Variants in ICA1L observed in about 807,000 individuals in gnomAD.
The protein encoded by ICA1L is islet cell autoantigen 1 like.
Under a neutral mutation model 61.3 loss-of-function variants are expected in ICA1L, and 50 were observed. The ratio of observed to expected loss-of-function variants is 0.82; its 90% CI spans 0.65 to 1.03. ICA1L has a LOEUF of 1.03. Ranked by LOEUF, ICA1L falls within the 50% of genes least tolerant of loss-of-function variation. The probability of loss-of-function intolerance (pLI) is 0.00; values close to 1 mark genes in which losing one functional copy is unlikely to be tolerated. For missense variants in ICA1L, 508 were observed against 556.7 expected, an observed-to-expected ratio of 0.91 and a Z score of 0.88; for synonymous variants, 161 against 191.3, an observed-to-expected ratio of 0.84 and a Z score of 1.31.
At chr2:202,845,370 T>C (rs1354277839) in intron 1 of ICA1L, among the ~76,000 whole-genome samples, 1 of 152,180 alleles carries the variant, frequency 6.6e-6, no homozygotes. Flanking sequence ...CTCATACCTG[T>C]AATCCCAGCA....
chr2:202,819,979 C>T, intron 4 of ICA1L, 80 bp from the exon 5 acceptor site: 2 of 1,044,050 alleles, frequency 1.9e-6, no homozygotes, highest in South Asian at 1.5e-5. Context: ...AATGAAAAAG[C>T]ATATTTGCTA....
At chr2:202,829,422 T>C (rs1279191400) in intron 1 of ICA1L, among the ~76,000 whole-genome samples, 1 of 152,136 alleles carries the variant, frequency 6.6e-6, no homozygotes, top group African/African-American at 2.4e-5. Context: ...CTAGCCAATA[T>C]TTAATCTGAC....
intron 8 of ICA1L, among the ~76,000 whole-genome samples, chr2:202,814,355 C>G (rs894264129): frequency 1.3e-5 from 2 of 152,104 alleles, no homozygotes; most frequent in Admixed American, 6.5e-5. Flanking sequence ...GTTATACAGC[C>G]AGCATGCCCC....
Position 202,811,521 on chromosome 2 carries a change from GCAT to G in ICA1L, c.910+222_910+224del, listed in dbSNP as rs573176850. Among the ~76,000 whole-genome samples, 663 of 151,986 alleles carry G rather than the reference GCAT, an allele frequency of 4.4e-3. 6 individuals are homozygous for G. The highest frequency in any genetic ancestry group is 0.015 in the African/African-American group (628 of 41,446). ...AAAAATACAAAAAAAAATTAGCTGG[GCAT>G]GGTGGCAGGCACCTGTAGTCCCAGC... On this transcript the variant is annotated intron_variant, in intron 9 of 12. Transcript: ENST00000358299.
rs974643721 is a variant in ICA1L at position 202,776,866 on chromosome 2, T to C, written c.*2667A>G. The C allele has an allele frequency of 6.6e-6, 1 of 152,142 alleles. No homozygotes were observed. Among genetic ancestry groups the C allele is most frequent in the Non-Finnish European group, 1.5e-5 (1 of 68,020 alleles). The allele number at this position is 152,142 out of a possible 1,614,324, so 9.4% of individuals were successfully genotyped here. A position where few individuals can be genotyped will look rare whatever the true frequency, so the allele number is the denominator to read the frequency against. On this transcript the variant is annotated 3_prime_UTR_variant, in exon 13 of 13. Transcript: ENST00000358299. ...GGAGAACTTTTGCTTTTGGAAAATT[T>C]AGGGTGTTCCTAGTATGGACTTTGG...
At chr2:202,806,044 C>T (rs1693214771) in intron 9 of ICA1L, among the ~76,000 whole-genome samples, 1 of 152,004 alleles carries the variant, frequency 6.6e-6, no homozygotes, top group Admixed American at 6.6e-5. Flanking sequence ...TTGAAAATAC[C>T]TCGGCCAGGC....
intron 10 of ICA1L, among the ~76,000 whole-genome samples, chr2:202,789,443 A>T (rs72932733): frequency 6.6e-6 from 1 of 152,220 alleles, no homozygotes; most frequent in African/African-American, 2.4e-5. Context: ...ACAACAGATA[A>T]AAAAGATCAA....
At chr2:202,786,401 T>C (rs535223924) in intron 11 of ICA1L, among the ~76,000 whole-genome samples, 1 of 149,610 alleles carries the variant, frequency 6.7e-6, no homozygotes, top group South Asian at 2.1e-4. Context: ...TACAAAAAAT[T>C]AGCCGGGCGC....
At chr2:202,869,683 T>C (rs1028578556) in intron 1 of ICA1L, 1 of 151,692 alleles carries the variant, frequency 6.6e-6, no homozygotes, top group African/African-American at 2.4e-5. Context: ...TACTTTAGTC[T>C]TTTTTTTAAT....
intron 10 of ICA1L, among the ~76,000 whole-genome samples, chr2:202,794,593 AT>A (rs2105827356): frequency 6.6e-6 from 1 of 152,236 alleles, no homozygotes; most frequent in African/African-American, 2.4e-5. Flanking sequence ...AAAAAACAAG[AT>A]TATCTCTATT....
rs2105806331 is a variant in ICA1L, at chr2:202,773,298, C to T, written c.*6235G>A. ...GTTTTATATCACATTCGTTCAAATGCATTTCTTTCCCTTAGAGGGACTATT... is the reference window on the plus strand; with the variant it reads ...GTTTTATATCACATTCGTTCAAATGTATTTCTTTCCCTTAGAGGGACTATT... On this transcript the variant is annotated 3_prime_UTR_variant, in exon 13 of 13. Coordinates refer to ENST00000358299, the MANE Select transcript of ICA1L (RefSeq NM_001288622.3). 6.6e-6 allele frequency: 1 copy of T among 152,598 alleles called. No individual in the cohort carries two copies. Among genetic ancestry groups the T allele is most frequent in the Admixed American group, 6.5e-5 (1 of 15,328 alleles). The allele number at this position is 152,598 out of a possible 1,614,324, so 9.5% of individuals were successfully genotyped here. A position where few individuals can be genotyped will look rare whatever the true frequency, so the allele number is the denominator to read the frequency against.
intron 10 of ICA1L, among the ~76,000 whole-genome samples, chr2:202,790,529 C>G (rs1422642619): frequency 6.6e-6 from 1 of 152,180 alleles, no homozygotes; most frequent in Non-Finnish European, 1.5e-5. Flanking sequence ...AGGGCTCCTT[C>G]TCTCTCCAGC....
chr2:202,819,697 A>T lies in ICA1L; in HGVS notation c.558+4T>A. On this transcript the variant is annotated splice_donor_region_variant and intron_variant, in intron 5 of 12. Transcript: ENST00000358299. ...AAGAAAAGGAAAGGGATACGTTTTC[A>T]TACTTTTCTAAACTTTTCCATTTGC... 1.9e-6 allele frequency: 3 copies of T among 1,607,170 alleles called. No individual in the cohort carries two copies. The East Asian group carries it at 6.7e-5, about 36-fold the overall frequency.
intron 10 of ICA1L, among the ~76,000 whole-genome samples, chr2:202,796,611 A>C (rs1692933987): frequency 6.6e-6 from 1 of 152,218 alleles, no homozygotes; most frequent in Admixed American, 6.5e-5. Context: ...CATTCAACAA[A>C]TATTTCCTGA....
chr2:202,831,163 T>C (rs1303562054), intron 1 of ICA1L, among the ~76,000 whole-genome samples: 2 of 152,192 alleles, frequency 1.3e-5, no homozygotes, highest in African/African-American at 4.8e-5. Context: ...TTATTATCCT[T>C]TGGATATCCT....
intron 9 of ICA1L, among the ~76,000 whole-genome samples, chr2:202,803,819 C>T (rs903518320): frequency 3.9e-5 from 6 of 152,074 alleles, no homozygotes; most frequent in Non-Finnish European, 5.9e-5. Context: ...TGTGCCACCA[C>T]GCCTGGCCCA....
rs1454997253 is a variant in ICA1L at position 202,842,917 on chromosome 2, G to T, written c.-7-13901C>A. On this transcript the variant is annotated intron_variant, in intron 1 of 12. Transcript: ENST00000358299. ...ATTCTTCTGCTTCATCAAGTCTGCT[G>T]TTAATGCTCTCTACTGCATTTTTTA... Among the ~76,000 whole-genome samples the T allele has an allele frequency of 2.6e-5, 4 of 152,104 alleles. No individual in the cohort carries two copies. In the East Asian group the frequency reaches 7.7e-4, roughly 29 times the overall value.
chr2:202,859,813 C>A (rs1694863110), intron 1 of ICA1L, among the ~76,000 whole-genome samples: 1 of 152,080 alleles, frequency 6.6e-6, no homozygotes, highest in South Asian at 2.1e-4. Flanking sequence ...AATCATTATA[C>A]CTATAGAACC....
At position 202,775,326 on chromosome 2, in the gene ICA1L, TCTC is replaced by T. The variant is rs1437443429; in HGVS notation, c.*4204_*4206del. ...CAAAAATAACTGAATCAATTCTGGCTCTCTTCTTTTTATTCCTGCCTTCAATAA... is the reference window on the plus strand; with the variant it reads ...CAAAAATAACTGAATCAATTCTGGCTTTCTTTTTATTCCTGCCTTCAATAA... On this transcript the variant is annotated 3_prime_UTR_variant, in exon 13 of 13. Coordinates refer to ENST00000358299, the MANE Select transcript of ICA1L (RefSeq NM_001288622.3). The T allele has an allele frequency of 1.3e-5, 2 of 152,202 alleles. No homozygotes were observed. The highest frequency in any genetic ancestry group is 4.8e-5 in the African/African-American group (2 of 41,462). 9.4% of individuals were successfully genotyped at this position (152,202 alleles called of 1,614,324 possible).
Sources: allele counts gnomAD v4.1 joint callset (sites outside exome capture counted in the v4.1 genomes callset), GRCh38; gene constraint gnomAD v4.1.1; transcripts MANE v1.5; gene names NCBI Gene and HGNC (gene_info 2026-07-23, HGNC 2026-07-21).